CAPN12: variants seen among roughly 807,000 people sequenced by gnomAD.
The protein encoded by CAPN12 is calpain 12.
CAPN12 carries 107 observed loss-of-function variants against 95.0 expected under a neutral mutation model. The ratio of observed to expected loss-of-function variants is 1.13; its 90% CI spans 0.96 to 1.32. The LOEUF (loss-of-function observed/expected upper bound fraction) is 1.32, where lower values mean the gene tolerates loss of function less well. CAPN12 is among the 40% of genes most tolerant of loss of function. The pLI, the probability that CAPN12 is intolerant of heterozygous loss-of-function variation, is 0.00. For missense variants in CAPN12, 1,136 were observed against 997.8 expected (o/e 1.14, Z -1.87); for synonymous variants, 505 against 415.5 (o/e 1.22, Z -2.62).
intron 18 of CAPN12, 36 bp downstream of exon 18, chr19:38,733,667 C>A (rs774605614): frequency 6.3e-7 from 1 of 1,579,882 alleles, no homozygotes; most frequent in East Asian, 2.2e-5. Context: ...GAGAACAGGT[C>A]CTGTCCCCAC....
In CAPN12 at chr19:38,737,607, C is replaced by T. The variant is rs368730624; in HGVS notation, c.997G>A (p.Asp333Asn). The change falls in exon 9 of 21, where the codon GAC becomes AAC. Residue 333 changes from aspartate (D) to asparagine (N), a missense_variant. By Grantham distance (23) the Asp-to-Asn change is conservative (BLOSUM62 1). Transcript: ENST00000328867. ...CTCAGCGAGCAGATCTGCACGGTGT[C>T]GAAATGGAGGAGGAAGTCCCGCAGC... ...MELRDFLLHF[D>N]TVQICSLSPE... is the part of the protein sequence containing the mutation. 1.4e-5 allele frequency: 22 copies of T among 1,608,784 alleles called. No individual in the cohort carries two copies. In the African/African-American group the frequency reaches 2.4e-4, roughly 18 times the overall value.
intron 8 of CAPN12, among the ~76,000 whole-genome samples, 168 bp downstream of exon 8, chr19:38,738,105 T>A (rs1031242730): frequency 3.9e-5 from 6 of 152,162 alleles, no homozygotes; most frequent in African/African-American, 1.4e-4. Flanking sequence ...TCTCTAATAT[T>A]ACTACCAATT....
intron 19 of CAPN12, 28 bp downstream of exon 19, chr19:38,731,079 T>A (rs746854847): frequency 1.8e-6 from 2 of 1,081,122 alleles, no homozygotes; most frequent in Non-Finnish European, 2.6e-6. Context: ...CTTCCCCCCA[T>A]GCCCCACCAT....
At chr19:38,731,373 C>G in intron 18 of CAPN12, 150 bp from the exon 19 acceptor site, 1 of 649,520 alleles carries the variant, frequency 1.5e-6, no homozygotes, top group Non-Finnish European at 2.8e-6. Context: ...ACAGGCTGAT[C>G]CCTTCAATCC....
rs763212160 is a variant in CAPN12, at chr19:38,730,880, TAAGG to T, written c.2134-6_2134-3del. On this transcript the variant is annotated splice_polypyrimidine_tract_variant and splice_region_variant and intron_variant, in intron 20 of 20. Transcript: ENST00000328867. Reference sequence around the variant, plus strand: ...GGAGAAGGTGGCCACCTCCATCCACTAAGGAAGAGAAGGAAGACAGTGGCTTGAG... The same window carrying T: ...GGAGAAGGTGGCCACCTCCATCCACTAAGAGAAGGAAGACAGTGGCTTGAG... 3.2e-6 allele frequency: 5 copies of T among 1,551,606 alleles called. No individual in the cohort carries two copies. The South Asian group carries it at 5.9e-5, about 18-fold the overall frequency.
rs1248034100 is a variant in CAPN12 at position 38,730,786 on chromosome 19, A to C, written c.*66T>G. 7 of 1,538,524 alleles carry C rather than the reference A, an allele frequency of 4.5e-6. No individual in the cohort carries two copies. The highest frequency in any genetic ancestry group is 6.2e-6 in the Non-Finnish European group (7 of 1,137,568). ...GAGAGAGTGGCACCCATGCCAGGCA[A>C]GGCCTAGGGAGGTGGTCTTGCTCAG... On this transcript the variant is annotated 3_prime_UTR_variant, in exon 21 of 21. Coordinates refer to ENST00000328867, the MANE Select transcript of CAPN12 (RefSeq NM_144691.4).
At chr19:38,738,865 C>T (rs1159859365) in intron 5 of CAPN12, 7 of 588,816 alleles carry the variant, frequency 1.2e-5, no homozygotes, top group Non-Finnish European at 2.1e-5. Context: ...GAGGTACGGG[C>T]TCACGCCTGT....
rs761958550 is a variant in CAPN12, at chr19:38,738,430, GC to G, written c.877del (p.Ala293ProfsTer22). The G allele has an allele frequency of 2.5e-6, 4 of 1,609,424 alleles. No individual in the cohort carries two copies. Among genetic ancestry groups the G allele is most frequent in the African/African-American group, 2.7e-5 (2 of 74,974 alleles). On this transcript the variant is annotated frameshift_variant, in exon 7 of 21. Transcript: ENST00000328867. LOFTEE classifies it high-confidence loss of function. ...AGACCCATCCCACCTGTCGCTCCAG[GC>G]CCCCGTCCACTCCACGCAGCCCCAT... is the stretch of plus-strand genomic sequence containing the variant. ...NPWGCVEWTG[A>X]WSDSCPRWDT...
intron 15 of CAPN12, 86 bp downstream of exon 15, chr19:38,734,727 G>T: frequency 8.0e-7 from 1 of 1,242,446 alleles, no homozygotes. Context: ...CAGCGCGGTG[G>T]GTTCATAGAC....
intron 2 of CAPN12, among the ~76,000 whole-genome samples, 170 bp downstream of exon 2, chr19:38,742,863 A>AAAAAAAAAAAAAC: frequency 6.7e-6 from 1 of 148,888 alleles, no homozygotes; most frequent in Non-Finnish European, 1.5e-5. Context: ...AAAAAAAAAA[A>AAAAAAAAAAAAAC]AAAAAAAAAG....
chr19:38,737,473 A>T lies in CAPN12; in HGVS notation c.1129+2T>A, dbSNP rs1390299491. The stretch of plus-strand genomic sequence containing the variant: ...AGCCTCTCAGGGCCCCTCAGGCCTC[A>T]CCAGCATTAGGCTGGCTCCCGCCGG... On this transcript the variant is annotated splice_donor_variant, in intron 9 of 20. Transcript: ENST00000328867. LOFTEE classifies it high-confidence loss of function. 1 of 1,612,676 alleles carries T rather than the reference A, an allele frequency of 6.2e-7. No homozygotes were observed. Among genetic ancestry groups the T allele is most frequent in the East Asian group, 2.2e-5 (1 of 44,858 alleles).
upstream of CAPN12, chr19:38,744,554 A>C (rs1599946302): frequency 3.5e-6 from 1 of 283,470 alleles, no homozygotes. Flanking sequence ...TATCTCTCAG[A>C]CTGCCTCTCT....
chr19:38,734,293 T>G, intron 16 of CAPN12, 26 bp downstream of exon 16: 2 of 1,598,342 alleles, frequency 1.3e-6, no homozygotes, highest in Non-Finnish European at 1.7e-6. Context: ...ACTCCCTCCC[T>G]CACCCAGGCA....
rs1970655481 is a variant in CAPN12 at position 38,743,078 on chromosome 19, T to C, written c.262A>G (p.Ile88Val). 1.2e-6 allele frequency: 2 copies of C among 1,613,864 alleles called. No individual in the cohort carries two copies. The change falls in exon 2 of 21, where the codon ATC becomes GTC. Residue 88 changes from isoleucine (I) to valine (V), a missense_variant. Coordinates refer to ENST00000328867, the MANE Select transcript of CAPN12 (RefSeq NM_144691.4). Reference protein sequence around the residue: ...PHEFCAEPKFICEDMSRTDVC... With the variant: ...PHEFCAEPKFVCEDMSRTDVC... ...TCTGTGCGGCTCATGTCTTCACAGATGAACTTCGGCTCAGCACAGAACTCC... is the reference window on the plus strand; with the variant it reads ...TCTGTGCGGCTCATGTCTTCACAGACGAACTTCGGCTCAGCACAGAACTCC...
Position 38,738,284 on chromosome 19 carries a change from A to G in CAPN12, c.954T>C (p.Asp318=), listed in dbSNP as rs1048730328. 1.9e-5 allele frequency: 31 copies of G among 1,611,804 alleles called. No homozygotes were observed. The highest frequency in any genetic ancestry group is 2.4e-5 in the Non-Finnish European group (28 of 1,180,006). The stretch of plus-strand genomic sequence containing the variant: ...CCTGACGAACTGACCAGAACTCGCC[A>G]TCCTCCTTTTTCACCAGCAGGGCAT... ...CRDALLVKKE[D]GEFWMELRDF... Residue 318 remains aspartate, a synonymous_variant, in exon 8 of 21, where the codon GAT becomes GAC. Transcript: ENST00000328867.
chr19:38,733,633 G>A (rs369714213), intron 18 of CAPN12, 70 bp downstream of exon 18: 56 of 1,373,350 alleles, frequency 4.1e-5, no homozygotes, highest in East Asian at 3.2e-4. Context: ...CTGAGCAGGG[G>A]GACTTGGAGA....
chr19:38,736,110 A>T lies in CAPN12; in HGVS notation c.1583T>A (p.Val528Glu). 2.0e-6 allele frequency: 3 copies of T among 1,491,016 alleles called. No homozygotes were observed. The highest frequency in any genetic ancestry group is 2.7e-6 in the Non-Finnish European group (3 of 1,123,740). 92.4% of individuals were successfully genotyped at this position (1,491,016 alleles called of 1,614,324 possible). A position where few individuals can be genotyped will look rare whatever the true frequency, so the allele number is the denominator to read the frequency against. ...RVFSERRHTA[V>E]EIDDVISADL... ...TCGGATTTGGGTGCCCGGGGCTCAC[A>T]CGGCCGTGTGGCGGCGCTCGGAGAA... is the stretch of plus-strand genomic sequence containing the variant. Residue 528 changes from valine (V) to glutamate (E), a missense_variant and splice_region_variant, in exon 12 of 21, where the codon GTG becomes GAG. By Grantham distance (121) the Val-to-Glu change is moderately radical. Coordinates refer to ENST00000328867, the MANE Select transcript of CAPN12 (RefSeq NM_144691.4).
chr19:38,733,939 A>G (rs1195234271), intron 17 of CAPN12, 158 bp from the exon 18 acceptor site: 5 of 791,594 alleles, frequency 6.3e-6, no homozygotes, highest in Non-Finnish European at 1.0e-5. Flanking sequence ...CTGTTTCCCA[A>G]TCTGTAAAAT....
At position 38,737,292 on chromosome 19, in the gene CAPN12, G is replaced by GCCCCCCAGC. The variant is rs1188933823; in HGVS notation, c.1217_1225dup (p.Gly406_Gly408dup). On this transcript the variant is annotated inframe_insertion, in exon 10 of 21. Transcript: ENST00000328867. The stretch of plus-strand genomic sequence containing the variant: ...CCGCGCTGGGCCCCGTGCCCCTGCA[G>GCCCCCCAGC]CCCCCCAGCCCCCCCAGGGCCCTTC... 7.0e-7 allele frequency: 1 copy of GCCCCCCAGC among 1,422,260 alleles called. No individual in the cohort carries two copies. The highest frequency in any genetic ancestry group is 9.4e-7 in the Non-Finnish European group (1 of 1,067,850). 88.1% of individuals were successfully genotyped at this position (1,422,260 alleles called of 1,614,324 possible). A position where few individuals can be genotyped will look rare whatever the true frequency, so the allele number is the denominator to read the frequency against.
Sources: gnomAD v4.1 joint callset for allele counts (sites outside exome capture counted in the v4.1 genomes callset) on GRCh38, gnomAD v4.1.1 for gene constraint, MANE v1.5 for transcripts, NCBI Gene and HGNC (gene_info 2026-07-23, HGNC 2026-07-21) for gene names.